DPPA4: variants seen among roughly 807,000 people sequenced by gnomAD.
DPPA4 encodes the protein developmental pluripotency associated 4.
Under a neutral mutation model 33.7 loss-of-function variants are expected in DPPA4, and 22 were observed. The ratio of observed to expected loss-of-function variants is 0.65; its 90% confidence interval spans 0.47 to 0.93. The LOEUF is 0.93. Ranked by LOEUF, DPPA4 falls within the 40% of genes least tolerant of loss-of-function variation. The pLI, the probability that DPPA4 is intolerant of heterozygous loss-of-function variation, is 0.00. For missense variants in DPPA4, 340 were observed against 358.6 expected (o/e 0.95, Z 0.42); for synonymous variants, 156 against 132.3 (o/e 1.18, Z -1.23).
chr3:109,333,319 A>C (rs2107348034), intron 2 of DPPA4: 1 of 138,342 alleles, frequency 7.2e-6, no homozygotes, highest in Non-Finnish European at 1.5e-5. Context: ...TCCAGCCTGG[A>C]TGACAGAGCA....
At position 109,332,025 on chromosome 3, in the gene DPPA4, C is replaced by G. The variant is rs773958993; in HGVS notation, c.185G>C (p.Cys62Ser). The G allele has an allele frequency of 6.2e-7, 1 of 1,607,454 alleles. No homozygotes were observed. Among genetic ancestry groups the G allele is most frequent in the Non-Finnish European group, 8.5e-7 (1 of 1,176,632 alleles). The change falls in exon 3 of 7, where the codon TGC (cysteine) becomes TCC (serine). Residue 62 changes from cysteine to serine, a missense_variant. This residue lies in a region of DPPA4 where 96 missense variants were observed against 91.8 expected (regional missense o/e 1.05). Transcript: ENST00000335658. ...AGTGTGCTCTGCCTTTTTCTTAGGG[C>G]AGAGCACTGAAGCAGAATGGAATCA... is the stretch of plus-strand genomic sequence containing the variant. ...KMSIKGSKVL[C>S]PKKKAEHTDN...
At chr3:109,333,822 C>T in intron 2 of DPPA4, 48 bp downstream of exon 2, 6 of 1,600,190 alleles carry the variant, frequency 3.7e-6, no homozygotes, top group Non-Finnish European at 5.1e-6. Flanking sequence ...ATTCCTCTGG[C>T]TTCTAAGACC....
Position 109,330,520 on chromosome 3 carries a change from T to C in DPPA4, c.679+4A>G. ...CCAGAATAAGCTCTTCATGTTGCGCTTACCAGAGGCCTCTTGTGGAGATTC... is the reference window on the plus strand; with the variant it reads ...CCAGAATAAGCTCTTCATGTTGCGCCTACCAGAGGCCTCTTGTGGAGATTC... On this transcript the variant is annotated splice_donor_region_variant and intron_variant, in intron 5 of 6. Coordinates refer to ENST00000335658, the MANE Select transcript of DPPA4 (RefSeq NM_018189.4). The C allele has an allele frequency of 6.2e-7, 1 of 1,613,388 alleles. No homozygotes were observed. Among genetic ancestry groups the C allele is most frequent in the Non-Finnish European group, 8.5e-7 (1 of 1,179,552 alleles).
intron 1 of DPPA4, among the ~76,000 whole-genome samples, chr3:109,334,588 G>A (rs984667232): frequency 6.6e-5 from 10 of 151,602 alleles, no homozygotes; most frequent in African/African-American, 2.4e-4. Context: ...CTCTCACCTG[G>A]CAGAATTTTT....
chr3:109,331,855 C>T lies in DPPA4; in HGVS notation c.339+16G>A. 6.2e-7 allele frequency: 1 copy of T among 1,613,576 alleles called. No homozygotes were observed. The highest frequency in any genetic ancestry group is 2.2e-5 in the East Asian group (1 of 44,866). ...CCCTTCCTCCCAGCAGCACCGTCCC[C>T]AGCCTGGGACCTCACCTGGCCTTTG... On this transcript the variant is annotated intron_variant, in intron 3 of 6. Transcript: ENST00000335658.
rs1341816720 is a variant in DPPA4 at position 109,327,195 on chromosome 3, G to T, written c.*793C>A. 1 of 152,154 alleles carries T rather than the reference G, an allele frequency of 6.6e-6. No individual in the cohort carries two copies. The highest frequency in any genetic ancestry group is 2.4e-5 in the African/African-American group (1 of 41,438). 9.4% of individuals were successfully genotyped at this position (152,154 alleles called of 1,614,324 possible). ...TTAGAATATTAAAAATCATGTGTTT[G>T]GGGGAGGGAGGGAATTAACAGCCTT... On this transcript the variant is annotated 3_prime_UTR_variant, in exon 7 of 7. Transcript: ENST00000335658.
At chr3:109,335,048 G>T (rs1297624719) in intron 1 of DPPA4, among the ~76,000 whole-genome samples, 2 of 152,222 alleles carry the variant, frequency 1.3e-5, no homozygotes, top group African/African-American at 4.8e-5. Flanking sequence ...AGGAAGCAAA[G>T]TGGGAGTGGG....
chr3:109,331,260 C>CAAAAAAA (rs10593582), intron 4 of DPPA4, among the ~76,000 whole-genome samples: 51 of 58,370 alleles, frequency 8.7e-4, no homozygotes, highest in Non-Finnish European at 1.0e-3. Flanking sequence ...GACTCTGTCT[C>CAAAAAAA]AAAAAAAAAA....
intron 6 of DPPA4, among the ~76,000 whole-genome samples, chr3:109,328,575 C>T (rs1407278141): frequency 6.6e-6 from 1 of 152,106 alleles, no homozygotes; most frequent in Non-Finnish European, 1.5e-5. Flanking sequence ...CCTGTTAAGA[C>T]TGTAGGCTAC....
At chr3:109,336,662 C>T (rs1237410825) in intron 1 of DPPA4, among the ~76,000 whole-genome samples, 2 of 152,156 alleles carry the variant, frequency 1.3e-5, no homozygotes, top group Non-Finnish European at 2.9e-5. Flanking sequence ...TTACCATTTC[C>T]CTCTAGCCCC....
At chr3:109,335,622 G>A (rs957150665) in intron 1 of DPPA4, among the ~76,000 whole-genome samples, 1 of 151,898 alleles carries the variant, frequency 6.6e-6, no homozygotes, top group African/African-American at 2.4e-5. Context: ...AGAGATGGGG[G>A]TTTCACCATG....
At chr3:109,330,021 G>A (rs577182354) in intron 5 of DPPA4, 1 of 174,490 alleles carries the variant, frequency 5.7e-6, no homozygotes, top group East Asian at 1.6e-4. Flanking sequence ...GCAAACTCTT[G>A]CCAGGTACGG....
chr3:109,329,377 TAC>T (rs1295084502), intron 5 of DPPA4: 1 of 234,988 alleles, frequency 4.3e-6, no homozygotes, highest in Admixed American at 5.5e-5. Context: ...CTACTAAAAA[TAC>T]AAAAAATTAG....
At chr3:109,331,511 T>G (rs1576836524) in intron 4 of DPPA4, among the ~76,000 whole-genome samples, 1 of 110,574 alleles carries the variant, frequency 9.0e-6, no homozygotes, top group Non-Finnish European at 1.6e-5. Flanking sequence ...GCCACTGCAC[T>G]CCAGCCTGGG....
chr3:109,332,625 C>T (rs1265743892), intron 2 of DPPA4, among the ~76,000 whole-genome samples: 1 of 152,092 alleles, frequency 6.6e-6, no homozygotes, highest in African/African-American at 2.4e-5. Flanking sequence ...TCCTCTACCC[C>T]CAGAGCAAAA....
intron 5 of DPPA4, chr3:109,329,427 C>A (rs1485346724): frequency 1.3e-5 from 3 of 223,924 alleles, no homozygotes; most frequent in Non-Finnish European, 2.7e-5. Flanking sequence ...CCCAGCTACT[C>A]AGGAGGCTGA....
chr3:109,335,225 T>C (rs935806843), intron 1 of DPPA4, among the ~76,000 whole-genome samples: 1 of 152,172 alleles, frequency 6.6e-6, no homozygotes, highest in East Asian at 1.9e-4. Flanking sequence ...GGACCATAGC[T>C]CACTCCAAGC....
In DPPA4 at chr3:109,331,863, G is replaced by A. The variant is rs1471477288; in HGVS notation, c.339+8C>T. 3.1e-6 allele frequency: 5 copies of A among 1,613,652 alleles called. No homozygotes were observed. The East Asian group carries it at 1.1e-4, about 36-fold the overall frequency. On this transcript the variant is annotated splice_region_variant and intron_variant, in intron 3 of 6. Transcript: ENST00000335658. ...CCCAGCAGCACCGTCCCCAGCCTGG[G>A]ACCTCACCTGGCCTTTGGAGCTCAG...
chr3:109,337,603 C>G (rs1366227745), upstream of DPPA4: 10 of 1,158,132 alleles, frequency 8.6e-6, no homozygotes, highest in Non-Finnish European at 1.3e-5. Context: ...TTTCTCTCCA[C>G]CTCACCTCTT....
Sources: allele counts gnomAD v4.1 joint callset (sites outside exome capture counted in the v4.1 genomes callset), GRCh38; gene constraint gnomAD v4.1.1; regional missense constraint gnomAD v4.1.1; transcripts MANE v1.5; gene names NCBI Gene and HGNC (gene_info 2026-07-23, HGNC 2026-07-21).